The following MRPL2 variants were observed in gnomAD, a reference collection of about 807,000 sequenced individuals.
MRPL2 encodes the protein large ribosomal subunit protein uL2m.
MRPL2 carries 27 observed loss-of-function variants against 34.6 expected under a neutral mutation model. The observed-to-expected ratio is 0.78, with a 90% confidence interval of 0.58 to 1.08. MRPL2 has a LOEUF of 1.08. Ranked by LOEUF, MRPL2 falls within the 50% of genes least tolerant of loss-of-function variation. The pLI is 0.00. For missense variants in MRPL2, 414 were observed against 419.3 expected, an observed-to-expected ratio of 0.99 and a Z score of 0.11; for synonymous variants, 155 against 158.0, an observed-to-expected ratio of 0.98 and a Z score of 0.14.
At chr6:43,058,041 A>C in intron 2 of MRPL2, 24 bp downstream of exon 2, 1 of 1,611,874 alleles carries the variant, frequency 6.2e-7, no homozygotes, top group Non-Finnish European at 8.5e-7. Flanking sequence ...TTGACTGCTT[A>C]AATCCCCCTG....
At chr6:43,055,314 G>A (rs1042476434) in intron 6 of MRPL2, among the ~76,000 whole-genome samples, 1 of 151,988 alleles carries the variant, frequency 6.6e-6, no homozygotes, top group Non-Finnish European at 1.5e-5. Flanking sequence ...AGCCCAGATC[G>A]TGCCATTGCA....
chr6:43,059,066 T>A, intron 1 of MRPL2: 1 of 1,407,614 alleles, frequency 7.1e-7, no homozygotes, highest in Admixed American at 2.2e-5. Context: ...CAACCGGTGA[T>A]CTGCAAAGCA....
upstream of MRPL2, chr6:43,059,451 C>T (rs1765014819): frequency 3.4e-6 from 5 of 1,472,510 alleles, no homozygotes. Flanking sequence ...CCGGCGCCGT[C>T]GCTCCGCAAT....
intron 1 of MRPL2, among the ~76,000 whole-genome samples, chr6:43,058,459 T>C (rs1561907293): frequency 6.6e-6 from 1 of 152,222 alleles, no homozygotes; most frequent in Non-Finnish European, 1.5e-5. Flanking sequence ...TCCAGGAATC[T>C]GTTTTTACCT....
chr6:43,056,661 C>T (rs532560765), intron 2 of MRPL2, among the ~76,000 whole-genome samples: 1 of 152,246 alleles, frequency 6.6e-6, no homozygotes, highest in South Asian at 2.1e-4. Context: ...TTGTATAAAA[C>T]TTCCAGATAA....
chr6:43,056,994 A>C (rs895118943), intron 2 of MRPL2, among the ~76,000 whole-genome samples: 2 of 151,988 alleles, frequency 1.3e-5, no homozygotes, highest in African/African-American at 4.8e-5. Context: ...AAATTACTGA[A>C]ATCAGTAAGT....
chr6:43,059,179 C>T (rs765788327), intron 1 of MRPL2, 107 bp downstream of exon 1: 1 of 1,550,622 alleles, frequency 6.4e-7, no homozygotes, highest in Non-Finnish European at 8.7e-7. Flanking sequence ...AGGTCACGGA[C>T]CTGCATGACT....
chr6:43,055,711 T>G (rs1415021786), intron 5 of MRPL2, 93 bp from the exon 6 acceptor site: 3 of 1,472,762 alleles, frequency 2.0e-6, no homozygotes, highest in Non-Finnish European at 2.8e-6. Context: ...GCCCTTGCTT[T>G]GCTCTTTAGG....
chr6:43,058,716 T>G (rs1764972718), intron 1 of MRPL2, among the ~76,000 whole-genome samples: 2 of 152,156 alleles, frequency 1.3e-5, no homozygotes, highest in Admixed American at 6.6e-5. Flanking sequence ...GGAGCAGGAC[T>G]TACTTCTCTT....
At position 43,056,706 on chromosome 6, in the gene MRPL2, A is replaced by G. The variant is rs142750955; in HGVS notation, c.266-261T>C. Among the ~76,000 whole-genome samples the G allele has an allele frequency of 1.2e-3, 181 of 152,272 alleles. 1 individual carries two copies. Among genetic ancestry groups the G allele is most frequent in the Non-Finnish European group, 2.8e-4 (19 of 68,014 alleles). On this transcript the variant is annotated intron_variant, in intron 2 of 6. Coordinates refer to ENST00000388752, the MANE Select transcript of MRPL2 (RefSeq NM_015950.5). ...TTTTTTTCTTCTGAGACAGAGTCTC[A>G]CTCTGTTGCCCAGGCTGGAGCGCAG...
At chr6:43,055,349 A>C (rs186358655) in intron 6 of MRPL2, among the ~76,000 whole-genome samples, 196 bp downstream of exon 6, 1 of 151,452 alleles carries the variant, frequency 6.6e-6, no homozygotes, top group Admixed American at 6.6e-5. Context: ...ACAGAGCAAG[A>C]CTCTGTCTCG....
chr6:43,055,673 C>T, intron 5 of MRPL2, 55 bp from the exon 6 acceptor site: 1 of 1,595,728 alleles, frequency 6.3e-7, no homozygotes, highest in Non-Finnish European at 8.6e-7. Flanking sequence ...TGCAGAGGGA[C>T]TTACACAGGG....
In MRPL2 at chr6:43,055,598, G is replaced by C; in HGVS notation, c.652C>G (p.Arg218Gly). Residue 218 changes from arginine to glycine, a missense_variant, in exon 6 of 7, where the codon CGG becomes GGG. By Grantham distance (125) the Arg-to-Gly change is moderately radical (BLOSUM62 -2). Coordinates refer to ENST00000388752, the MANE Select transcript of MRPL2 (RefSeq NM_015950.5). ...ATAATGGCTGTGCCATTCACCTTCC[G>C]CAGTAGCACACCACACGTCCCTGGG... ...RAAGTCGVLL[R>G]KVNGTAIIQL... 6.2e-7 allele frequency: 1 copy of C among 1,614,038 alleles called. No individual in the cohort carries two copies. Among genetic ancestry groups the C allele is most frequent in the Non-Finnish European group, 8.5e-7 (1 of 1,180,026 alleles).
intron 1 of MRPL2, chr6:43,058,992 G>A: frequency 1.4e-6 from 1 of 730,800 alleles, no homozygotes; most frequent in East Asian, 2.7e-5. Context: ...TCATTTATTT[G>A]AAACGTCTAT....
chr6:43,059,097 T>A, intron 1 of MRPL2, 189 bp downstream of exon 1: 1 of 1,518,844 alleles, frequency 6.6e-7, no homozygotes, highest in Non-Finnish European at 8.9e-7. Context: ...AAGTATCTCG[T>A]CTGAAGAATT....
rs1187977327 is a variant in MRPL2 at position 43,055,919 on chromosome 6, AC to A, written c.608del (p.Gly203ValfsTer18). On this transcript the variant is annotated frameshift_variant, in exon 5 of 7. Coordinates refer to ENST00000388752, the MANE Select transcript of MRPL2 (RefSeq NM_015950.5). LOFTEE classifies it high-confidence loss of function. Reference sequence around the variant, plus strand: ...TACCTGCAGCTCGGATATATTGGGCACCCCGGCCTGGCTCACTTTCCACGTT... The same window carrying A: ...TACCTGCAGCTCGGATATATTGGGCACCCGGCCTGGCTCACTTTCCACGTT... ...INNVESEPGR[G>X]AQYIRAAGTC... 1 of 1,613,642 alleles carries A rather than the reference AC, an allele frequency of 6.2e-7. No individual in the cohort carries two copies. The highest frequency in any genetic ancestry group is 2.2e-5 in the East Asian group (1 of 44,862).
At position 43,055,545 on chromosome 6, in the gene MRPL2, C is replaced by A. The variant is rs1409464681; in HGVS notation, c.705G>T (p.Gln235His). ...CCCTCCCATCCATACCCATACACAC[C>A]TGCATCTGCCTCTTAGAGGGCAGCT... ...IIQLPSKRQMQVLETCVATVG... is the reference protein window; with the variant it reads ...IIQLPSKRQMHVLETCVATVG... Residue 235 changes from glutamine to histidine, a missense_variant and splice_region_variant, in exon 6 of 7, where the codon CAG becomes CAT. By Grantham distance (24) the Gln-to-His change is conservative. Transcript: ENST00000388752. The A allele has an allele frequency of 6.2e-7, 1 of 1,613,834 alleles. No individual in the cohort carries two copies. The highest frequency in any genetic ancestry group is 1.3e-5 in the African/African-American group (1 of 74,906).
rs758711812 is a variant in MRPL2, at chr6:43,055,608, A to C, written c.642T>G (p.Gly214=). Residue 214 remains glycine (G), a synonymous_variant, in exon 6 of 7, where the codon GGT becomes GGG. Transcript: ENST00000388752. ...AQYIRAAGTC[G]VLLRKVNGTA... ...TGCCATTCACCTTCCGCAGTAGCAC[A>C]CCACACGTCCCTGGGGAAAGAAGCT... The C allele has an allele frequency of 3.2e-5, 52 of 1,613,928 alleles. No homozygotes were observed. In the South Asian group the frequency reaches 5.7e-4, roughly 18 times the overall value.
Position 43,054,381 on chromosome 6 carries a change from T to C in MRPL2, c.811A>G (p.Asn271Asp), listed in dbSNP as rs551248185. 25 of 1,614,236 alleles carry C rather than the reference T, an allele frequency of 1.5e-5. No individual in the cohort carries two copies. The African/African-American group carries it at 1.9e-4, about 12-fold the overall frequency. The change falls in exon 7 of 7, where the codon AAC becomes GAC. Residue 271 changes from asparagine (N) to aspartate (D), a missense_variant. Coordinates refer to ENST00000388752, the MANE Select transcript of MRPL2 (RefSeq NM_015950.5). Reference protein sequence around the residue: ...GRNRWLGKRPNSGRWHRKGGW... With the variant: ...GRNRWLGKRPDSGRWHRKGGW... ...CCCTTGCGGTGCCACCGCCCACTGT[T>C]AGGCCTCTTGCCCAGCCAGCGGTTG...
Sources: allele counts gnomAD v4.1 joint callset (sites outside exome capture counted in the v4.1 genomes callset), GRCh38; gene constraint gnomAD v4.1.1; transcripts MANE v1.5; gene names NCBI Gene and HGNC (gene_info 2026-07-23, HGNC 2026-07-21).